The following NKAIN3 variants were observed in gnomAD, a reference collection of about 807,000 sequenced individuals.
NKAIN3 encodes sodium/potassium-transporting ATPase subunit beta-1-interacting protein 3.
In NKAIN3, 25 loss-of-function variants were observed where a neutral mutation model predicts 30.2. The ratio of observed to expected loss-of-function variants is 0.83; its 90% CI spans 0.60 to 1.16. The LOEUF (loss-of-function observed/expected upper bound fraction) is 1.16, where lower values mean the gene tolerates loss of function less well. Among genes scored for constraint, NKAIN3 ranks in the 50% most tolerant of loss-of-function variants. The pLI, the probability that NKAIN3 is intolerant of heterozygous loss-of-function variation, is 0.00. For synonymous variants in NKAIN3, 91 were observed against 89.6 expected (o/e 1.02, Z -0.09); for missense variants, 225 against 254.1 (o/e 0.89, Z 0.78).
chr8:62,482,272 G>C (rs1009307352), intron 1 of NKAIN3: 3 of 152,200 alleles, frequency 2.0e-5, no homozygotes, highest in Non-Finnish European at 4.4e-5. Context: ...GGATAATACT[G>C]AGTAAGCTTT....
At chr8:62,679,922 AG>A in intron 3 of NKAIN3, among the ~76,000 whole-genome samples, 1 of 152,342 alleles carries the variant, frequency 6.6e-6, no homozygotes, top group Admixed American at 6.5e-5. Flanking sequence ...AATAAAGTTC[AG>A]GGACCTTAAA....
At position 62,495,986 on chromosome 8, in the gene NKAIN3, G is replaced by A. The variant is rs1379599027; in HGVS notation, c.55-83553G>A. On this transcript the variant is annotated intron_variant, in intron 1 of 6. Coordinates refer to ENST00000623646, the MANE Select transcript of NKAIN3 (RefSeq NM_001304533.3). ...ACCACAATTTGTCCCCACTGAATTGGTCTAAGCAAGGAATTTTGACTACAG... is the reference window on the plus strand; with the variant it reads ...ACCACAATTTGTCCCCACTGAATTGATCTAAGCAAGGAATTTTGACTACAG... Among the ~76,000 whole-genome samples the A allele has an allele frequency of 4.6e-5, 7 of 152,218 alleles. No individual in the cohort carries two copies. In the East Asian group the frequency reaches 1.4e-3, roughly 29 times the overall value.
intron 1 of NKAIN3, among the ~76,000 whole-genome samples, chr8:62,409,239 C>T (rs188978231): frequency 4.6e-5 from 7 of 152,254 alleles, no homozygotes; most frequent in African/African-American, 1.4e-4. Context: ...GGCTGGAATG[C>T]AGTGGAGCAA....
At chr8:62,580,345 C>A (rs1415162546) in intron 2 of NKAIN3, among the ~76,000 whole-genome samples, 1 of 152,094 alleles carries the variant, frequency 6.6e-6, no homozygotes, top group East Asian at 1.9e-4. Context: ...AATTAGTTGT[C>A]TTTTCTATAA....
intron 4 of NKAIN3, among the ~76,000 whole-genome samples, chr8:62,915,516 G>A (rs1822068423): frequency 6.6e-6 from 1 of 152,118 alleles, no homozygotes; most frequent in South Asian, 2.1e-4. Flanking sequence ...AGCCTCGTAA[G>A]GCCCATTTCA....
chr8:62,433,596 T>C (rs1805081877), intron 1 of NKAIN3, among the ~76,000 whole-genome samples: 1 of 152,154 alleles, frequency 6.6e-6, no homozygotes, highest in Non-Finnish European at 1.5e-5. Context: ...TTACACTTTA[T>C]CAGACGGTGG....
chr8:62,447,833 GAAGA>G (rs1805530839), intron 1 of NKAIN3, among the ~76,000 whole-genome samples: 1 of 151,954 alleles, frequency 6.6e-6, no homozygotes, highest in South Asian at 2.1e-4. Flanking sequence ...AATGGAAATA[GAAGA>G]AAGAACCAAG....
intron 4 of NKAIN3, among the ~76,000 whole-genome samples, chr8:62,826,152 G>A (rs1451405527): frequency 1.3e-5 from 2 of 152,012 alleles, no homozygotes. Context: ...AATAACCTAT[G>A]TTATCTTAGC....
At chr8:62,415,113 G>A (rs1465863124) in intron 1 of NKAIN3, among the ~76,000 whole-genome samples, 1 of 117,566 alleles carries the variant, frequency 8.5e-6, no homozygotes, top group Non-Finnish European at 1.7e-5. Context: ...TATATATTAT[G>A]TATAATATAT....
intron 1 of NKAIN3, among the ~76,000 whole-genome samples, chr8:62,325,432 G>T (rs1330442372): frequency 6.6e-6 from 1 of 152,086 alleles, no homozygotes; most frequent in African/African-American, 2.4e-5. Flanking sequence ...GAATTGTGCT[G>T]CTATAAACAT....
chr8:62,898,448 T>A (rs1821504533), intron 4 of NKAIN3, among the ~76,000 whole-genome samples: 2 of 152,216 alleles, frequency 1.3e-5, no homozygotes, highest in South Asian at 4.1e-4. Context: ...TTATTCAAAG[T>A]AATTCAGGAG....
intron 1 of NKAIN3, 65 bp downstream of exon 1, chr8:62,249,192 C>G: frequency 7.3e-7 from 1 of 1,360,944 alleles, no homozygotes; most frequent in Non-Finnish European, 9.9e-7. Flanking sequence ...TCTGCGACTC[C>G]CTCTGCGGTT....
chr8:62,826,045 C>A (rs1182034545), intron 4 of NKAIN3, among the ~76,000 whole-genome samples: 1 of 152,190 alleles, frequency 6.6e-6, no homozygotes, highest in African/African-American at 2.4e-5. Context: ...TGGCTCAGGC[C>A]TCCTCCTCCC....
At chr8:62,492,844 T>C (rs1807115419) in intron 1 of NKAIN3, among the ~76,000 whole-genome samples, 1 of 152,126 alleles carries the variant, frequency 6.6e-6, no homozygotes, top group African/African-American at 2.4e-5. Context: ...TCACATTTCT[T>C]TCCACAATGG....
chr8:62,442,878 A>G (rs554653500), intron 1 of NKAIN3, among the ~76,000 whole-genome samples: 1 of 152,050 alleles, frequency 6.6e-6, no homozygotes, highest in South Asian at 2.1e-4. Context: ...AAATATGTCC[A>G]TTTTTAACTA....
intron 4 of NKAIN3, chr8:62,863,205 C>T (rs1820307738): frequency 6.4e-7 from 1 of 1,555,020 alleles, no homozygotes; most frequent in African/African-American, 1.4e-5. Context: ...GGCGTTTTTC[C>T]AATAACTCAG....
At chr8:62,633,741 C>T (rs1812037843) in intron 3 of NKAIN3, among the ~76,000 whole-genome samples, 1 of 152,134 alleles carries the variant, frequency 6.6e-6, no homozygotes, top group African/African-American at 2.4e-5. Flanking sequence ...TTATTGAAGG[C>T]CAACGTGTCT....
At chr8:62,377,485 ACTGTTATTGC>A (rs1330580832) in intron 1 of NKAIN3, among the ~76,000 whole-genome samples, 1 of 152,212 alleles carries the variant, frequency 6.6e-6, no homozygotes, top group Non-Finnish European at 1.5e-5. Context: ...GCACTAACAC[ACTGTTATTGC>A]CTTTGTGGAG....
chr8:62,662,191 C>A (rs1003725163), intron 3 of NKAIN3, among the ~76,000 whole-genome samples: 1 of 152,208 alleles, frequency 6.6e-6, no homozygotes, highest in Non-Finnish European at 1.5e-5. Flanking sequence ...GAGCACTAAC[C>A]CCAGCACCAT....
Sources: allele counts gnomAD v4.1 joint callset (sites outside exome capture counted in the v4.1 genomes callset), GRCh38; gene constraint gnomAD v4.1.1; transcripts MANE v1.5; gene names NCBI Gene and HGNC (gene_info 2026-07-23, HGNC 2026-07-21).